The following PLA2G10 variants were observed in gnomAD, a reference collection of about 807,000 sequenced individuals.
PLA2G10 encodes the protein group 10 secretory phospholipase A2.
Under a neutral mutation model 7.9 loss-of-function variants are expected in PLA2G10, and 9 were observed. The ratio of observed to expected loss-of-function variants is 1.14; its 90% CI spans 0.68 to 1.98. The LOEUF is 1.98. PLA2G10 is among the 30% of genes most tolerant of loss of function. The pLI is 0.00. For missense variants in PLA2G10, 53 were observed against 65.4 expected, an observed-to-expected ratio of 0.81 and a Z score of 0.66; for synonymous variants, 19 against 27.5, an observed-to-expected ratio of 0.69 and a Z score of 0.97.
chr16:14,680,604 C>T (rs1883866994), intron 3 of PLA2G10, among the ~76,000 whole-genome samples: 1 of 152,128 alleles, frequency 6.6e-6, no homozygotes, highest in African/African-American at 2.4e-5. Context: ...TCAAGTGATA[C>T]TTCTGTCTTG....
intron 3 of PLA2G10, among the ~76,000 whole-genome samples, chr16:14,681,655 G>A (rs1183531254): frequency 1.3e-5 from 2 of 151,200 alleles, no homozygotes; most frequent in Middle Eastern, 3.2e-3. Flanking sequence ...ATGGAAAATG[G>A]GCCAAACCTG....
At chr16:14,674,134 A>C (rs914764343) in intron 3 of PLA2G10, among the ~76,000 whole-genome samples, 4 of 152,150 alleles carry the variant, frequency 2.6e-5, no homozygotes, top group Non-Finnish European at 2.9e-5. Flanking sequence ...CTGGAAAAAA[A>C]AAAAGGAAAA....
intron 3 of PLA2G10, among the ~76,000 whole-genome samples, chr16:14,676,603 C>T (rs1960731843): frequency 6.6e-6 from 1 of 152,144 alleles, no homozygotes; most frequent in Admixed American, 6.6e-5. Context: ...CGCTTGAACC[C>T]AGGAGGTGGA....
Position 14,672,753 on chromosome 16 carries a change from G to C in PLA2G10, c.356-4C>G, listed in dbSNP as rs776282626. Reference sequence around the variant, plus strand: ...TGGCATTTGTTCTCTGCCGGTCCTGGAAGAAGTGGGGAAACTGAGATTAGA... The same window carrying C: ...TGGCATTTGTTCTCTGCCGGTCCTGCAAGAAGTGGGGAAACTGAGATTAGA... On this transcript the variant is annotated splice_polypyrimidine_tract_variant and splice_region_variant and intron_variant, in intron 3 of 3. Coordinates refer to ENST00000438167, the MANE Select transcript of PLA2G10 (RefSeq NM_003561.3). 6.2e-7 allele frequency: 1 copy of C among 1,613,806 alleles called. No individual in the cohort carries two copies. Among genetic ancestry groups the C allele is most frequent in the Non-Finnish European group, 8.5e-7 (1 of 1,179,848 alleles).
chr16:14,680,767 T>C lies in PLA2G10; in HGVS notation c.355+7398A>G, dbSNP rs560965389. On this transcript the variant is annotated intron_variant, in intron 3 of 3. Transcript: ENST00000438167. The stretch of plus-strand genomic sequence containing the variant: ...GCACTTGGCGCACACACTACTTCCC[T>C]GTCTCCTCCTTTTTAACAATACCTC... 5.3e-5 allele frequency among the ~76,000 whole-genome samples: 8 copies of C among 152,272 alleles called. No homozygotes were observed. In the East Asian group the frequency reaches 1.4e-3, roughly 26 times the overall value.
chr16:14,693,273 C>A, intron 1 of PLA2G10, among the ~76,000 whole-genome samples: 1 of 15,624 alleles, frequency 6.4e-5, no homozygotes, highest in Non-Finnish European at 1.4e-4. Flanking sequence ...CCTGTGACCC[C>A]AGGGTCTATG....
chr16:14,685,781 A>G (rs1288931892), intron 3 of PLA2G10, among the ~76,000 whole-genome samples: 1 of 150,624 alleles, frequency 6.6e-6, no homozygotes, highest in Non-Finnish European at 1.5e-5. Flanking sequence ...TGCAACCTCC[A>G]CCTCCTGGAT....
intron 3 of PLA2G10, chr16:14,678,693 C>T (rs778616799): frequency 1.3e-4 from 53 of 398,752 alleles, no homozygotes; most frequent in Non-Finnish European, 2.2e-4. Flanking sequence ...TCGCTTGAGC[C>T]CAAAAGGCAG....
At chr16:14,682,768 C>A (rs974563543) in intron 3 of PLA2G10, among the ~76,000 whole-genome samples, 2 of 151,816 alleles carry the variant, frequency 1.3e-5, no homozygotes, top group African/African-American at 4.8e-5. Context: ...AAGAAAAATT[C>A]CCATCCAATC....
intron 3 of PLA2G10, chr16:14,678,797 C>A (rs968635167): frequency 5.6e-6 from 2 of 357,480 alleles, no homozygotes; most frequent in Non-Finnish European, 1.1e-5. Context: ...CAGGTCATGT[C>A]CCTCCCCTGC....
At chr16:14,682,834 C>T (rs981199712) in intron 3 of PLA2G10, among the ~76,000 whole-genome samples, 1 of 151,998 alleles carries the variant, frequency 6.6e-6, no homozygotes, top group African/African-American at 2.4e-5. Context: ...TTTGGGAGGC[C>T]GAGGTGGGCA....
intron 3 of PLA2G10, among the ~76,000 whole-genome samples, chr16:14,684,082 G>A (rs571476258): frequency 4.5e-4 from 68 of 151,948 alleles, no homozygotes; most frequent in Admixed American, 2.3e-3. Flanking sequence ...TAAAAATGGC[G>A]GGGCGTGGTG....
intron 3 of PLA2G10, among the ~76,000 whole-genome samples, chr16:14,683,393 C>A (rs528586034): frequency 6.6e-6 from 1 of 151,798 alleles, no homozygotes; most frequent in Non-Finnish European, 1.5e-5. Flanking sequence ...CTGCCACACC[C>A]GCCTAATTTT....
intron 3 of PLA2G10, among the ~76,000 whole-genome samples, chr16:14,687,570 C>A (rs1164204685): frequency 1.3e-5 from 2 of 152,068 alleles, no homozygotes; most frequent in African/African-American, 4.8e-5. Context: ...TGGTCCCCAC[C>A]CCCAGCCTCT....
At chr16:14,682,078 C>T (rs961657294) in intron 3 of PLA2G10, among the ~76,000 whole-genome samples, 11 of 152,124 alleles carry the variant, frequency 7.2e-5, no homozygotes, top group Admixed American at 5.9e-4. Flanking sequence ...AGCTATCCTC[C>T]TGCCTTGGCC....
intron 3 of PLA2G10, among the ~76,000 whole-genome samples, chr16:14,677,670 T>C (rs1960759903): frequency 6.6e-6 from 1 of 152,118 alleles, no homozygotes; most frequent in South Asian, 2.1e-4. Flanking sequence ...AAAACATTTT[T>C]ATCACCCCAG....
At chr16:14,680,558 C>T (rs895964453) in intron 3 of PLA2G10, among the ~76,000 whole-genome samples, 3 of 152,052 alleles carry the variant, frequency 2.0e-5, no homozygotes, top group African/African-American at 7.2e-5. Context: ...GCCAGGGTCT[C>T]GCTATGTTGC....
At chr16:14,682,854 A>G (rs1960930102) in intron 3 of PLA2G10, among the ~76,000 whole-genome samples, 1 of 152,082 alleles carries the variant, frequency 6.6e-6, no homozygotes, top group Non-Finnish European at 1.5e-5. Flanking sequence ...AGATCACCTG[A>G]GGTTAGGAGT....
At chr16:14,676,746 C>A (rs1054594953) in intron 3 of PLA2G10, among the ~76,000 whole-genome samples, 3 of 152,132 alleles carry the variant, frequency 2.0e-5, no homozygotes, top group Non-Finnish European at 4.4e-5. Context: ...TAAAAAAGAA[C>A]AAAATGTTTT....
Sources: gnomAD v4.1 joint callset for allele counts (sites outside exome capture counted in the v4.1 genomes callset) on GRCh38, gnomAD v4.1.1 for gene constraint, MANE v1.5 for transcripts, NCBI Gene and HGNC (gene_info 2026-07-23, HGNC 2026-07-21) for gene names.